Variants in DNAH10 observed in about 807,000 individuals in gnomAD.
DNAH10 encodes the protein axonemal beta dynein heavy chain 10.
In DNAH10, 348 loss-of-function variants were observed where a neutral mutation model predicts 506.6. The ratio of observed to expected loss-of-function variants is 0.69; its 90% CI spans 0.63 to 0.75. The LOEUF (loss-of-function observed/expected upper bound fraction) is 0.75, where lower values mean the gene tolerates loss of function less well. DNAH10 is among the 30% of genes least tolerant of loss of function. DNAH10 has a pLI of 0.00. For synonymous variants in DNAH10, 2,059 were observed against 2,198.6 expected, an observed-to-expected ratio of 0.94 and a Z score of 1.78; for missense variants, 5,179 against 5,787.1, an observed-to-expected ratio of 0.89 and a Z score of 3.41.
intron 11 of DNAH10, among the ~76,000 whole-genome samples, chr12:123,793,361 T>G (rs1958154245): frequency 7.2e-6 from 1 of 139,742 alleles, no homozygotes; most frequent in African/African-American, 2.7e-5. Flanking sequence ...TTTTTTGGAA[T>G]GGAGTCTCGC....
intron 28 of DNAH10, 51 bp downstream of exon 28, chr12:123,835,579 A>G (rs549334087): frequency 1.9e-6 from 3 of 1,575,760 alleles, no homozygotes; most frequent in Admixed American, 3.8e-5. Context: ...GCGATTTGAG[A>G]TATTTGTACC....
intron 28 of DNAH10, among the ~76,000 whole-genome samples, chr12:123,837,012 C>A (rs577491098): frequency 6.6e-6 from 1 of 151,780 alleles, no homozygotes; most frequent in Non-Finnish European, 1.5e-5. Context: ...ACACCACGCC[C>A]GGCTAATTTT....
At chr12:123,920,832 C>T (rs1256376876) in intron 65 of DNAH10, among the ~76,000 whole-genome samples, 1 of 152,168 alleles carries the variant, frequency 6.6e-6, no homozygotes, top group Non-Finnish European at 1.5e-5. Context: ...TGCAATGGCA[C>T]AATCACAGCT....
At chr12:123,820,363 G>A (rs1437621515) in intron 23 of DNAH10, among the ~76,000 whole-genome samples, 1 of 152,188 alleles carries the variant, frequency 6.6e-6, no homozygotes, top group East Asian at 1.9e-4. Flanking sequence ...TGAATGACCT[G>A]GTTGTGAGAA....
intron 28 of DNAH10, among the ~76,000 whole-genome samples, chr12:123,837,779 A>G (rs1961331476): frequency 6.8e-6 from 1 of 146,726 alleles, no homozygotes; most frequent in African/African-American, 2.5e-5. Context: ...TTTTTTTAGT[A>G]GAGATGGAGT....
In DNAH10 at chr12:123,919,415, A is replaced by G. The variant is rs1448793653; in HGVS notation, c.11506+466A>G. On this transcript the variant is annotated intron_variant, in intron 65 of 78. Coordinates refer to ENST00000673944, the MANE Select transcript of DNAH10 (RefSeq NM_001372106.1). This position sits in a 1 kb window ranked among gnomAD's most constrained non-coding sequence, Gnocchi z 4.9. ...TGAGTCTGGCGATTCATGTTACAAG[A>G]GGAATGTTTAAAGCACTGAATTTTA... Among the ~76,000 whole-genome samples, 9 of 152,182 alleles carry G rather than the reference A, an allele frequency of 5.9e-5. No individual in the cohort carries two copies. The highest frequency in any genetic ancestry group is 5.2e-4 in the Admixed American group (8 of 15,278).
chr12:123,776,412 G>C (rs1462199499), intron 5 of DNAH10, among the ~76,000 whole-genome samples: 1 of 152,022 alleles, frequency 6.6e-6, no homozygotes, highest in African/African-American at 2.4e-5. Context: ...GGGCGATATA[G>C]CAAGGCCCCA....
intron 10 of DNAH10, among the ~76,000 whole-genome samples, chr12:123,788,913 A>C (rs1405358617): frequency 2.0e-5 from 3 of 148,248 alleles, no homozygotes; most frequent in African/African-American, 7.5e-5. Flanking sequence ...CGACAGAGTG[A>C]GACCTTGCTT....
Position 123,928,420 on chromosome 12 carries a change from C to A in DNAH10, c.12139C>A (p.Arg4047=). ...GCAGCTGCTGGAGACGGCGGTGGCT[C>A]GGGGGCAGTGGCTGATGCTGCAGAA... ...ALQLLETAVA[R]GQWLMLQNCH... The change falls in exon 70 of 79, where the codon CGG becomes AGG. Residue 4047 remains arginine (R), a synonymous_variant. Transcript: ENST00000673944. This position sits in a 1 kb window ranked among gnomAD's most constrained non-coding sequence, Gnocchi z 4.9. 6.2e-7 allele frequency: 1 copy of A among 1,606,014 alleles called. No homozygotes were observed. The highest frequency in any genetic ancestry group is 8.5e-7 in the Non-Finnish European group (1 of 1,176,946).
intron 38 of DNAH10, among the ~76,000 whole-genome samples, chr12:123,859,722 C>T (rs952568109): frequency 1.3e-5 from 2 of 152,080 alleles, no homozygotes; most frequent in South Asian, 2.1e-4. Context: ...AAAAAGTGAT[C>T]GTACACTCCC....
At chr12:123,924,942 C>T in intron 67 of DNAH10, 108 bp from the exon 68 acceptor site, 1 of 1,456,930 alleles carries the variant, frequency 6.9e-7, no homozygotes, top group Non-Finnish European at 9.3e-7. Flanking sequence ...AGTTAGTACA[C>T]CTATGGATTC....
intron 21 of DNAH10, among the ~76,000 whole-genome samples, chr12:123,814,462 A>G (rs1959066545): frequency 6.6e-6 from 1 of 152,186 alleles, no homozygotes; most frequent in South Asian, 2.1e-4. Context: ...TGTGAGCTCC[A>G]CATCCTAACC....
At chr12:123,775,159 A>G (rs1408897171) in intron 5 of DNAH10, among the ~76,000 whole-genome samples, 1 of 152,162 alleles carries the variant, frequency 6.6e-6, no homozygotes, top group East Asian at 1.9e-4. Flanking sequence ...TCCGCCATCC[A>G]GTCTGGAGTG....
At chr12:123,898,137 G>A (rs976312446) in intron 55 of DNAH10, among the ~76,000 whole-genome samples, 170 bp downstream of exon 55, 1 of 152,212 alleles carries the variant, frequency 6.6e-6, no homozygotes, top group Non-Finnish European at 1.5e-5. Flanking sequence ...CAGGACCCTG[G>A]CATGTCCTTA....
At chr12:123,764,884 G>A (rs1956960290) in intron 1 of DNAH10, among the ~76,000 whole-genome samples, 1 of 152,100 alleles carries the variant, frequency 6.6e-6, no homozygotes, top group Non-Finnish European at 1.5e-5. Flanking sequence ...ATGGCGTCGG[G>A]TGTTGGGGGT....
At position 123,934,170 on chromosome 12, in the gene DNAH10, T is replaced by G. The variant is rs78210686; in HGVS notation, c.13478-451T>G. 3.1e-3 allele frequency: 2,185 copies of G among 695,072 alleles called. 42 individuals are homozygous for G. In the African/African-American group the frequency reaches 0.034, roughly 11 times the overall value. 43.1% of individuals were successfully genotyped at this position (695,072 alleles called of 1,614,324 possible). A position where few individuals can be genotyped will look rare whatever the true frequency, so the allele number is the denominator to read the frequency against. ...AGGAGTGTGTTCCTCTCTTTGCACA[T>G]CTGCTGGGTCCTCCTCCCCGGAGAC... On this transcript the variant is annotated intron_variant, in intron 77 of 78. Coordinates refer to ENST00000673944, the MANE Select transcript of DNAH10 (RefSeq NM_001372106.1).
intron 65 of DNAH10, among the ~76,000 whole-genome samples, chr12:123,922,085 A>C (rs113950998): frequency 0.057 from 8,600 of 152,056 alleles, 740 homozygotes; most frequent in African/African-American, 0.18. Context: ...TTAAAAAACT[A>C]ACCATTAGGC....
chr12:123,887,808 G>A (rs1291854330), intron 52 of DNAH10, among the ~76,000 whole-genome samples: 1 of 151,362 alleles, frequency 6.6e-6, no homozygotes, highest in Non-Finnish European at 1.5e-5. Flanking sequence ...GCAGTGGCGT[G>A]ATCTTGGCTC....
intron 24 of DNAH10, among the ~76,000 whole-genome samples, chr12:123,825,870 C>T (rs1008958983): frequency 6.6e-6 from 1 of 152,136 alleles, no homozygotes; most frequent in African/African-American, 2.4e-5. Flanking sequence ...TGCCTGTAAT[C>T]CCAGCACTTG....
Sources: gnomAD v4.1 joint callset for allele counts (sites outside exome capture counted in the v4.1 genomes callset) on GRCh38, gnomAD v4.1.1 for gene constraint, Gnocchi (gnomAD v3.1) non-coding constraint, MANE v1.5 for transcripts, NCBI Gene and HGNC (gene_info 2026-07-23, HGNC 2026-07-21) for gene names.